The following FNDC3B variants were observed in gnomAD, a reference collection of about 807,000 sequenced individuals.
FNDC3B encodes fibronectin type III domain containing 3B.
In FNDC3B, 12 loss-of-function variants were observed where a neutral mutation model predicts 151.5. The ratio of observed to expected loss-of-function variants is 0.08; its 90% confidence interval spans 0.05 to 0.13. The LOEUF (loss-of-function observed/expected upper bound fraction) is 0.13. Among genes scored for constraint, FNDC3B ranks in the 10% least tolerant of loss-of-function variants. The pLI is 1.00. For missense variants in FNDC3B, 1,214 were observed against 1,505.3 expected, an observed-to-expected ratio of 0.81 and a Z score of 3.20; for synonymous variants, 528 against 549.0, an observed-to-expected ratio of 0.96 and a Z score of 0.54.
At position 172,344,091 on chromosome 3, in the gene FNDC3B, C is replaced by G. The variant is rs750889128; in HGVS notation, c.2083C>G (p.Pro695Ala). The change falls in exon 19 of 26, where the codon CCT (proline) becomes GCT (alanine). Residue 695 changes from proline (P) to alanine (A), a missense_variant. Pro to Ala is a conservative substitution (Grantham distance 27). Transcript: ENST00000415807. ...HKEVHLEWDVPASESGCEVSE... is the reference protein window; with the variant it reads ...HKEVHLEWDVAASESGCEVSE... ...AAAAAATTCTTCATTCCCAGATGTT[C>G]CTGCATCGGAAAGTGGCTGTGAGGT... 3.7e-6 allele frequency: 6 copies of G among 1,609,114 alleles called. No individual in the cohort carries two copies. The East Asian group carries it at 9.0e-5, about 24-fold the overall frequency.
At chr3:172,085,941 G>A (rs1718528067) in intron 1 of FNDC3B, among the ~76,000 whole-genome samples, 1 of 152,198 alleles carries the variant, frequency 6.6e-6, no homozygotes, top group Admixed American at 6.5e-5. Flanking sequence ...CTATTCTAGA[G>A]AGCTTTTATT....
chr3:172,132,491 C>T (rs984983252), intron 2 of FNDC3B, among the ~76,000 whole-genome samples: 3 of 152,068 alleles, frequency 2.0e-5, no homozygotes, highest in South Asian at 2.1e-4. Context: ...CCACAACTTC[C>T]GCCTCCTGGG....
At chr3:172,235,706 A>G (rs1727121463) in intron 4 of FNDC3B, among the ~76,000 whole-genome samples, 1 of 152,242 alleles carries the variant, frequency 6.6e-6, no homozygotes, top group Admixed American at 6.5e-5. Flanking sequence ...GTATAGCTGT[A>G]TCCTTCCCTG....
chr3:172,080,103 AT>A (rs1173569460), intron 1 of FNDC3B, among the ~76,000 whole-genome samples: 2 of 152,214 alleles, frequency 1.3e-5, no homozygotes, highest in Admixed American at 1.3e-4. Flanking sequence ...TACCTGAATT[AT>A]AAAAAAAAAG....
intron 1 of FNDC3B, among the ~76,000 whole-genome samples, chr3:172,086,774 C>T (rs1322172585): frequency 2.0e-5 from 3 of 152,146 alleles, no homozygotes; most frequent in Non-Finnish European, 4.4e-5. Context: ...AACGTTCGGC[C>T]TTGGGGAGAT....
chr3:172,234,163 G>A (rs1727024390), intron 4 of FNDC3B, among the ~76,000 whole-genome samples: 1 of 152,158 alleles, frequency 6.6e-6, no homozygotes, highest in South Asian at 2.1e-4. Flanking sequence ...TAGAACATGG[G>A]ATTAGTGGGA....
Position 172,251,120 on chromosome 3 carries a change from A to G in FNDC3B, c.509-140A>G, listed in dbSNP as rs1259992289. ...GCCCAGCAGTATTTTCTTAAAAAAT[A>G]TTTATTAGACTCTATTTAGTAATAC... On this transcript the variant is annotated intron_variant, in intron 5 of 25. Transcript: ENST00000415807. 3.7e-5 allele frequency: 27 copies of G among 728,532 alleles called. 1 individual carries two copies. The highest frequency in any genetic ancestry group is 1.3e-4 in the South Asian group (6 of 45,958). The allele number at this position is 728,532 out of a possible 1,614,324, so 45.1% of individuals were successfully genotyped here. A position where few individuals can be genotyped will look rare whatever the true frequency, so the allele number is the denominator to read the frequency against.
At chr3:172,248,357 T>A (rs1190688352) in intron 5 of FNDC3B, among the ~76,000 whole-genome samples, 1 of 152,154 alleles carries the variant, frequency 6.6e-6, no homozygotes, top group Non-Finnish European at 1.5e-5. Flanking sequence ...GCAGCCGCAA[T>A]TTCACTGATT....
chr3:172,054,460 A>C (rs1205165833), intron 1 of FNDC3B, among the ~76,000 whole-genome samples: 1 of 152,254 alleles, frequency 6.6e-6, no homozygotes. Context: ...GGCTCTGAAG[A>C]GCGGCCTGAC....
Position 172,285,919 on chromosome 3 carries a change from A to G in FNDC3B, c.791-7A>G. ...TTGTTTTTCCTTTTTTCTTTTTCGC[A>G]ATGCAGAATATGAGTTGGAAGTAAA... On this transcript the variant is annotated splice_region_variant and splice_polypyrimidine_tract_variant and intron_variant, in intron 6 of 25. Coordinates refer to ENST00000415807, the MANE Select transcript of FNDC3B (RefSeq NM_022763.4). The G allele has an allele frequency of 1.2e-6, 2 of 1,611,732 alleles. No homozygotes were observed. The highest frequency in any genetic ancestry group is 1.7e-6 in the Non-Finnish European group (2 of 1,178,630).
intron 1 of FNDC3B, among the ~76,000 whole-genome samples, chr3:172,064,981 C>T (rs1717412469): frequency 6.6e-6 from 1 of 152,168 alleles, no homozygotes; most frequent in African/African-American, 2.4e-5. Flanking sequence ...ATATATGTGA[C>T]CCCATGTTTA....
chr3:172,181,989 A>G (rs1358510186), intron 3 of FNDC3B, among the ~76,000 whole-genome samples: 1 of 152,150 alleles, frequency 6.6e-6, no homozygotes, highest in Non-Finnish European at 1.5e-5. Context: ...GAATGATGCA[A>G]AGCAGGCCTG....
chr3:172,333,442 C>T (rs566270608), intron 14 of FNDC3B, among the ~76,000 whole-genome samples: 1 of 151,858 alleles, frequency 6.6e-6, no homozygotes, highest in African/African-American at 2.4e-5. Context: ...CTGCCTCAGC[C>T]TCCCGAGTAG....
In FNDC3B at chr3:172,352,656, A is replaced by G; in HGVS notation, c.2515-147A>G. ...TAGCATTCTTTGGAAGGTGGTCATCAGATAGTAGACATTTTCTAGGATTTA... is the reference window on the plus strand; with the variant it reads ...TAGCATTCTTTGGAAGGTGGTCATCGGATAGTAGACATTTTCTAGGATTTA... On this transcript the variant is annotated intron_variant, in intron 21 of 25. Transcript: ENST00000415807. The surrounding 1 kb of genome is among the most constrained non-coding windows in gnomAD (Gnocchi z 4.2). The G allele has an allele frequency of 1.2e-6, 1 of 839,766 alleles. No homozygotes were observed. The highest frequency in any genetic ancestry group is 1.8e-6 in the Non-Finnish European group (1 of 559,616). The allele number at this position is 839,766 out of a possible 1,614,324, so 52.0% of individuals were successfully genotyped here. A position where few individuals can be genotyped will look rare whatever the true frequency, so the allele number is the denominator to read the frequency against.
chr3:172,330,601 A>G lies in FNDC3B; in HGVS notation c.1440A>G (p.Ala480=), dbSNP rs1321336174. The G allele has an allele frequency of 3.7e-6, 6 of 1,614,022 alleles. No individual in the cohort carries two copies. The African/African-American group carries it at 5.3e-5, about 14-fold the overall frequency. ...TLGNIPQMPS[A]PRLVRAGITW... ...GAAATATCCCTCAGATGCCTTCTGC[A>G]CCAAGGCTGGTTCGAGCTGGCATCA... Residue 480 remains alanine (A), a synonymous_variant, in exon 13 of 26, where the codon GCA becomes GCG. Coordinates refer to ENST00000415807, the MANE Select transcript of FNDC3B (RefSeq NM_022763.4).
rs1721211541 is a variant in FNDC3B at position 172,133,517 on chromosome 3, C to T, written c.158C>T (p.Ala53Val). Residue 53 changes from alanine (A) to valine (V), a missense_variant, in exon 3 of 26, where the codon GCA becomes GTA. Transcript: ENST00000415807. Reference sequence around the variant, plus strand: ...CCAGGTGAGACTTTCACAATAAGAGCAGAGGATGGAACACTTCAGTGCATT... The same window carrying T: ...CCAGGTGAGACTTTCACAATAAGAGTAGAGGATGGAACACTTCAGTGCATT... ...VNPGETFTIR[A>V]EDGTLQCIQG... The T allele has an allele frequency of 6.2e-7, 1 of 1,612,854 alleles. No homozygotes were observed. Among genetic ancestry groups the T allele is most frequent in the Non-Finnish European group, 8.5e-7 (1 of 1,179,086 alleles).
chr3:172,183,093 T>C (rs1723999162), intron 3 of FNDC3B, among the ~76,000 whole-genome samples: 1 of 152,222 alleles, frequency 6.6e-6, no homozygotes, highest in South Asian at 2.1e-4. Context: ...CTCTTTAGAA[T>C]TTGTGTGGAC....
At chr3:172,251,112 T>TA (rs1728043198) in intron 5 of FNDC3B, 148 bp from the exon 6 acceptor site, 2 of 713,028 alleles carry the variant, frequency 2.8e-6, no homozygotes, top group African/African-American at 3.6e-5. Flanking sequence ...AGTATTTTCT[T>TA]AAAAAATATT....
At chr3:172,171,513 CA>C (rs1028081009) in intron 3 of FNDC3B, among the ~76,000 whole-genome samples, 2 of 151,634 alleles carry the variant, frequency 1.3e-5, no homozygotes, top group African/African-American at 4.9e-5. Flanking sequence ...ACAGGGAACA[CA>C]GTATTGGTGG....
Sources: gnomAD v4.1 joint callset for allele counts (sites outside exome capture counted in the v4.1 genomes callset) on GRCh38, gnomAD v4.1.1 for gene constraint, Gnocchi (gnomAD v3.1) non-coding constraint, MANE v1.5 for transcripts, NCBI Gene and HGNC (gene_info 2026-07-23, HGNC 2026-07-21) for gene names.